Variants in UBE2V1 observed in about 807,000 individuals in gnomAD.
The protein encoded by UBE2V1 is ubiquitin conjugating enzyme E2 V1, also known as ubiquitin-conjugating enzyme E2 variant 1.
A neutral mutation model predicts 19.6 loss-of-function variants in UBE2V1; 15 were observed. The observed-to-expected ratio is 0.77, with a 90% CI of 0.51 to 1.18. The LOEUF (loss-of-function observed/expected upper bound fraction) is 1.18, where lower values mean the gene tolerates loss of function less well. Among genes scored for constraint, UBE2V1 ranks in the 50% most tolerant of loss-of-function variants. UBE2V1 has a pLI of 0.00. For synonymous variants in UBE2V1, 60 were observed against 60.7 expected (o/e 0.99, Z 0.05); for missense variants, 125 against 184.8 (o/e 0.68, Z 1.88).
chr20:50,084,010 C>T lies in UBE2V1; in HGVS notation c.297+119G>A, dbSNP rs1302011064. 12 of 1,464,698 alleles carry T rather than the reference C, an allele frequency of 8.2e-6. No homozygotes were observed. In the Admixed American group the frequency reaches 1.4e-4, roughly 17 times the overall value. 90.7% of individuals were successfully genotyped at this position (1,464,698 alleles called of 1,614,324 possible). On this transcript the variant is annotated intron_variant, in intron 3 of 3. Coordinates refer to ENST00000371674, the MANE Select transcript of UBE2V1 (RefSeq NM_001032288.3). ...ATCTGTGCTCCTATGCACAGTGATA[C>T]AGTTTATCAACAAATAACCAAAGAA...
At chr20:50,095,457 A>G (rs531138973) in intron 2 of UBE2V1, 2 of 152,238 alleles carry the variant, frequency 1.3e-5, no homozygotes, top group African/African-American at 4.8e-5. Context: ...AAAACTCCAC[A>G]AAACTATAGG....
chr20:50,105,647 C>T (rs2080304565), intron 1 of UBE2V1, among the ~76,000 whole-genome samples: 1 of 152,174 alleles, frequency 6.6e-6, no homozygotes, highest in Admixed American at 6.5e-5. Flanking sequence ...ATATGGAAGA[C>T]ATAAAAATGG....
intron 1 of UBE2V1, among the ~76,000 whole-genome samples, chr20:50,106,109 T>TA (rs966222182): frequency 1.8e-3 from 266 of 145,726 alleles, no homozygotes; most frequent in South Asian, 3.9e-3. Context: ...ATGAAAATGC[T>TA]AAAAAAAAAA....
At chr20:50,089,553 A>T (rs1225944217) in intron 2 of UBE2V1, among the ~76,000 whole-genome samples, 1 of 152,194 alleles carries the variant, frequency 6.6e-6, no homozygotes, top group Admixed American at 6.5e-5. Context: ...GGAAAAGTGT[A>T]GTGTGCAGAG....
intron 1 of UBE2V1, chr20:50,098,891 T>C: frequency 2.0e-6 from 2 of 984,716 alleles, no homozygotes; most frequent in Non-Finnish European, 2.4e-6. Flanking sequence ...CTTGAACTGC[T>C]TGTTTGGAAA....
chr20:50,101,508 TC>T (rs2079991871), intron 1 of UBE2V1, among the ~76,000 whole-genome samples: 1 of 123,250 alleles, frequency 8.1e-6, no homozygotes, highest in South Asian at 2.8e-4. Flanking sequence ...AACCTCTGCC[TC>T]CTAGGTTCAA....
chr20:50,115,703 C>T (rs2080988124), upstream of UBE2V1: 3 of 1,129,740 alleles, frequency 2.7e-6, no homozygotes, highest in South Asian at 7.2e-5. Context: ...AATTACCAAG[C>T]CGTTACATCC....
At chr20:50,113,517 A>G (rs2080911982), upstream of UBE2V1, among the ~76,000 whole-genome samples, 1 of 152,192 alleles carries the variant, frequency 6.6e-6, no homozygotes, top group Admixed American at 6.5e-5. Context: ...ACATCTCCGC[A>G]AGGTCAGAAT....
At chr20:50,094,010 A>AAT (rs1555876547) in intron 2 of UBE2V1, among the ~76,000 whole-genome samples, 13 of 94,708 alleles carry the variant, frequency 1.4e-4, no homozygotes, top group African/African-American at 5.3e-4. Context: ...AAAAAAAAAA[A>AAT]AATAATAATA....
chr20:50,095,815 T>A (rs940861291), intron 2 of UBE2V1: 3 of 152,202 alleles, frequency 2.0e-5, no homozygotes, highest in Non-Finnish European at 4.4e-5. Context: ...TTGATTAGTA[T>A]CTTCTATAAT....
chr20:50,084,445 T>C, intron 2 of UBE2V1, 191 bp from the exon 3 acceptor site: 1 of 1,004,108 alleles, frequency 1.0e-6, no homozygotes, highest in Non-Finnish European at 1.5e-6. Context: ...TTCCGGGCCT[T>C]GGGGGAATAC....
In UBE2V1 at chr20:50,106,231, C is replaced by T. The variant is rs183004052; in HGVS notation, c.22+6876G>A. Among the ~76,000 whole-genome samples, 17 of 152,200 alleles carry T rather than the reference C, an allele frequency of 1.1e-4. No individual in the cohort carries two copies. In the Middle Eastern group the frequency reaches 0.014, roughly 122 times the overall value. On this transcript the variant is annotated intron_variant, in intron 1 of 3. Coordinates refer to ENST00000371674, the MANE Select transcript of UBE2V1 (RefSeq NM_001032288.3). ...AGAAGGCTTTTTCCTGGACCTGTGT[C>T]AGTATCAAAAGTCAGCCGGTTATTC...
chr20:50,100,445 C>T (rs1004845084), intron 1 of UBE2V1, among the ~76,000 whole-genome samples: 2 of 149,994 alleles, frequency 1.3e-5, no homozygotes, highest in East Asian at 2.0e-4. Context: ...ATTAGCCGGG[C>T]GTGGTGGTGT....
intron 2 of UBE2V1, among the ~76,000 whole-genome samples, chr20:50,085,377 G>A (rs983904563): frequency 2.0e-5 from 3 of 152,100 alleles, no homozygotes; most frequent in Non-Finnish European, 4.4e-5. Context: ...CAACCCTGAA[G>A]ACCCAGCTCA....
upstream of UBE2V1, chr20:50,115,575 T>C: frequency 6.5e-7 from 1 of 1,543,586 alleles, no homozygotes; most frequent in Non-Finnish European, 8.8e-7. Context: ...TCTCCTGGCA[T>C]CAGTTTCCCC....
At position 50,107,148 on chromosome 20, in the gene UBE2V1, G is replaced by C. The variant is rs114694459; in HGVS notation, c.22+5959C>G. ...GGCTGTCTAGTTAGCCTGCCCAGGA[G>C]ATCTGTTCTTCTCCTTCTCTAGAGC... On this transcript the variant is annotated intron_variant, in intron 1 of 3. Transcript: ENST00000371674. 4.2e-3 allele frequency among the ~76,000 whole-genome samples: 645 copies of C among 152,288 alleles called. 4 individuals are homozygous for C. The highest frequency in any genetic ancestry group is 0.014 in the African/African-American group (601 of 41,538).
intron 2 of UBE2V1, chr20:50,095,203 A>C (rs1226014083): frequency 6.6e-6 from 1 of 152,170 alleles, no homozygotes; most frequent in Non-Finnish European, 1.5e-5. Flanking sequence ...CTGGGAAGTA[A>C]GGAGGGAAGC....
At chr20:50,088,043 A>T (rs2079021060) in intron 2 of UBE2V1, among the ~76,000 whole-genome samples, 1 of 150,648 alleles carries the variant, frequency 6.6e-6, no homozygotes, top group African/African-American at 2.4e-5. Flanking sequence ...GAGCCTGGAG[A>T]TTATAAATTT....
At chr20:50,113,421 G>T (rs1271086790), upstream of UBE2V1, among the ~76,000 whole-genome samples, 1 of 152,184 alleles carries the variant, frequency 6.6e-6, no homozygotes, top group African/African-American at 2.4e-5. Flanking sequence ...GCGCGATTGT[G>T]AAAGAAAAAG....
Sources: gnomAD v4.1 joint callset for allele counts (sites outside exome capture counted in the v4.1 genomes callset) on GRCh38, gnomAD v4.1.1 for gene constraint, MANE v1.5 for transcripts, NCBI Gene and HGNC (gene_info 2026-07-23, HGNC 2026-07-21) for gene names.